ECSCR: variants seen among roughly 807,000 people sequenced by gnomAD.
The protein encoded by ECSCR is endothelial cell-specific chemotaxis regulator.
A neutral mutation model predicts 16.7 loss-of-function variants in ECSCR; 12 were observed. The ratio of observed to expected loss-of-function variants is 0.72; its 90% CI spans 0.46 to 1.17. The LOEUF (loss-of-function observed/expected upper bound fraction) is 1.17, where lower values mean the gene tolerates loss of function less well. Ranked by LOEUF, ECSCR falls within the 50% of genes most tolerant of loss-of-function variation. The pLI, the probability that ECSCR is intolerant of heterozygous loss-of-function variation, is 0.00. For synonymous variants in ECSCR, 44 were observed against 42.2 expected, an observed-to-expected ratio of 1.04 and a Z score of -0.17; for missense variants, 122 against 116.1, an observed-to-expected ratio of 1.05 and a Z score of -0.23.
At chr5:139,458,422 A>T (rs1290320274) in intron 1 of ECSCR, among the ~76,000 whole-genome samples, 40 of 139,004 alleles carry the variant, frequency 2.9e-4, no homozygotes, top group African/African-American at 1.1e-3. Flanking sequence ...TGAGACCAGA[A>T]GGTTGAGGCT....
At chr5:139,457,848 T>C in intron 2 of ECSCR, 41 bp from the exon 3 acceptor site, 1 of 1,566,320 alleles carries the variant, frequency 6.4e-7, no homozygotes, top group Non-Finnish European at 8.7e-7. Context: ...CACCGCCTCC[T>C]ACTGTTCCAT....
chr5:139,455,251 C>G (rs1751130398), intron 6 of ECSCR, 72 bp downstream of exon 6: 3 of 245,574 alleles, frequency 1.2e-5, no homozygotes, highest in Non-Finnish European at 1.3e-5. Context: ...ACTTGCGTTT[C>G]AGACCCAGAG....
intron 8 of ECSCR, among the ~76,000 whole-genome samples, chr5:139,453,676 T>C (rs2152088761): frequency 1.1e-5 from 1 of 90,828 alleles, no homozygotes; most frequent in African/African-American, 4.6e-5. Context: ...GGCATGTGTA[T>C]AGTATGGGTT....
chr5:139,456,067 A>G (rs1751152324), intron 5 of ECSCR, among the ~76,000 whole-genome samples: 1 of 152,214 alleles, frequency 6.6e-6, no homozygotes, highest in East Asian at 1.9e-4. Context: ...GGTTGCAGTG[A>G]GCCAAGATTG....
intron 8 of ECSCR, among the ~76,000 whole-genome samples, chr5:139,451,245 T>C (rs977859267): frequency 2.2e-5 from 3 of 138,754 alleles, no homozygotes; most frequent in Non-Finnish European, 4.7e-5. Context: ...GTGTGTGGGG[T>C]GTGTGTGTAT....
At chr5:139,455,282 A>T (rs2152089100) in intron 6 of ECSCR, 41 bp downstream of exon 6, 1 of 395,164 alleles carries the variant, frequency 2.5e-6, no homozygotes, top group Non-Finnish European at 4.4e-6. Flanking sequence ...TTCCAGGGGT[A>T]GGGGTTCCTC....
At chr5:139,462,500 T>C (rs1751329407) in intron 1 of ECSCR, 110 bp downstream of exon 1, 1 of 1,162,860 alleles carries the variant, frequency 8.6e-7, no homozygotes, top group South Asian at 1.3e-5. Context: ...GAATTTCCCC[T>C]GGGCACAGCC....
rs555538606 is a variant in ECSCR at position 139,461,718 on chromosome 5, C to T, written c.61+892G>A. ...CTTTTAGAGAAATGCCTGACATCTCCGGAAGCCAGTGTTCTGGTACTCAGG... is the reference window on the plus strand; with the variant it reads ...CTTTTAGAGAAATGCCTGACATCTCTGGAAGCCAGTGTTCTGGTACTCAGG... On this transcript the variant is annotated intron_variant, in intron 1 of 9. Coordinates refer to ENST00000618155, the MANE Select transcript of ECSCR (RefSeq NM_001077693.4). Among the ~76,000 whole-genome samples, 8 of 152,280 alleles carry T rather than the reference C, an allele frequency of 5.3e-5. No homozygotes were observed. The South Asian group carries it at 1.2e-3, about 24-fold the overall frequency.
intron 8 of ECSCR, among the ~76,000 whole-genome samples, chr5:139,452,095 G>A (rs906731706): frequency 6.7e-6 from 1 of 148,828 alleles, no homozygotes; most frequent in Admixed American, 6.7e-5. Flanking sequence ...TGTGTGGTAT[G>A]TGGATGTGCA....
At chr5:139,454,196 T>TG (rs1374157396) in intron 8 of ECSCR, among the ~76,000 whole-genome samples, 1 of 131,870 alleles carries the variant, frequency 7.6e-6, no homozygotes, top group African/African-American at 2.9e-5. Context: ...GGGTGTGGGG[T>TG]GTGTGGTGTA....
At position 139,457,778 on chromosome 5, in the gene ECSCR, C is replaced by T; in HGVS notation, c.136G>A (p.Glu46Lys). Reference protein sequence around the residue: ...GGLGGLSLTTEPVSSNPGYIP... With the variant: ...GGLGGLSLTTKPVSSNPGYIP... Reference sequence around the variant, plus strand: ...TCACCTGGGTTGGAAGAAACTGGCTCTGTGGTCAGACTTAGACCGCCAAGG... The same window carrying T: ...TCACCTGGGTTGGAAGAAACTGGCTTTGTGGTCAGACTTAGACCGCCAAGG... Residue 46 changes from glutamate to lysine, a missense_variant, in exon 3 of 10, where the codon GAG (glutamate) becomes AAG (lysine). Transcript: ENST00000618155. The T allele has an allele frequency of 3.1e-6, 5 of 1,612,278 alleles. No individual in the cohort carries two copies. Among genetic ancestry groups the T allele is most frequent in the Non-Finnish European group, 4.2e-6 (5 of 1,179,122 alleles).
chr5:139,458,502 A>AC (rs1751216400), intron 1 of ECSCR, among the ~76,000 whole-genome samples: 4 of 3,298 alleles, frequency 1.2e-3, no homozygotes, highest in African/African-American at 2.4e-3. Context: ...TATCTCAACA[A>AC]AAAAAAAAAA....
chr5:139,458,242 A>G, intron 1 of ECSCR, 59 bp from the exon 2 acceptor site: 6 of 1,504,620 alleles, frequency 4.0e-6, no homozygotes, highest in Non-Finnish European at 5.4e-6. Flanking sequence ...CAGAGCCTAG[A>G]AAGGAACCCT....
Position 139,458,132 on chromosome 5 carries a change from G to A in ECSCR, c.106+7C>T, listed in dbSNP as rs2152089669. The A allele has an allele frequency of 6.5e-7, 1 of 1,549,548 alleles. No individual in the cohort carries two copies. The highest frequency in any genetic ancestry group is 1.2e-5 in the South Asian group (1 of 83,972). ...ACGCTGGAGTAGACCCATGTGTTTG[G>A]TCTTACCCTGAGAGCTAGAGGTCTG... is the stretch of plus-strand genomic sequence containing the variant. On this transcript the variant is annotated splice_region_variant and intron_variant, in intron 2 of 9. Transcript: ENST00000618155.
chr5:139,458,200 A>G lies in ECSCR; in HGVS notation c.62-17T>C. ...AGTTGTGGCCTGCAAGAGAAAGCAAAACACATAGCTTGGTAAGTCCCCTGC... is the reference window on the plus strand; with the variant it reads ...AGTTGTGGCCTGCAAGAGAAAGCAAGACACATAGCTTGGTAAGTCCCCTGC... On this transcript the variant is annotated splice_polypyrimidine_tract_variant and intron_variant, in intron 1 of 9. Coordinates refer to ENST00000618155, the MANE Select transcript of ECSCR (RefSeq NM_001077693.4). 2 of 1,549,584 alleles carry G rather than the reference A, an allele frequency of 1.3e-6. No homozygotes were observed. The highest frequency in any genetic ancestry group is 1.7e-6 in the Non-Finnish European group (2 of 1,146,850).
rs1421196481 is a variant in ECSCR, at chr5:139,454,941, TGGGGTGAAGG to T, written c.377-28_377-19del. On this transcript the variant is annotated intron_variant, in intron 6 of 9. Coordinates refer to ENST00000618155, the MANE Select transcript of ECSCR (RefSeq NM_001077693.4). ...GATAACACCTGAACAGAGAAAAGAA[TGGGGTGAAGG>T]GGGCCAGTCGGGGGGACAAAGGGGC... 1 of 390,182 alleles carries T rather than the reference TGGGGTGAAGG, an allele frequency of 2.6e-6. No homozygotes were observed. Among genetic ancestry groups the T allele is most frequent in the Non-Finnish European group, 4.5e-6 (1 of 222,386 alleles). 24.2% of individuals were successfully genotyped at this position (390,182 alleles called of 1,614,324 possible). A position where few individuals can be genotyped will look rare whatever the true frequency, so the allele number is the denominator to read the frequency against.
intron 1 of ECSCR, among the ~76,000 whole-genome samples, chr5:139,461,512 C>T (rs1422006266): frequency 6.6e-6 from 1 of 152,102 alleles, no homozygotes; most frequent in African/African-American, 2.4e-5. Context: ...CTGGCACTTG[C>T]CTGGGAGAAA....
chr5:139,459,464 C>T (rs1751244269), intron 1 of ECSCR, among the ~76,000 whole-genome samples: 1 of 152,214 alleles, frequency 6.6e-6, no homozygotes, highest in South Asian at 2.1e-4. Context: ...CAGAAGCCCT[C>T]ACTGGCTTTT....
At chr5:139,454,950 G>A (rs1003979088) in intron 6 of ECSCR, 27 bp from the exon 7 acceptor site, 5 of 398,912 alleles carry the variant, frequency 1.3e-5, no homozygotes, top group Non-Finnish European at 2.2e-5. Flanking sequence ...ATGGGGTGAA[G>A]GGGGCCAGTC....
Sources: gnomAD v4.1 joint callset for allele counts (sites outside exome capture counted in the v4.1 genomes callset) on GRCh38, gnomAD v4.1.1 for gene constraint, MANE v1.5 for transcripts, NCBI Gene and HGNC (gene_info 2026-07-23, HGNC 2026-07-21) for gene names.